LPP: variants seen among roughly 807,000 people sequenced by gnomAD.
LPP encodes the protein LIM domain containing preferred translocation partner in lipoma, also known as lipoma-preferred partner.
A neutral mutation model predicts 60.4 loss-of-function variants in LPP; 38 were observed. The ratio of observed to expected loss-of-function variants is 0.63; its 90% confidence interval spans 0.49 to 0.83. LPP has a LOEUF of 0.83. Among genes scored for constraint, LPP ranks in the 40% least tolerant of loss-of-function variants. LPP has a pLI of 0.00. For missense variants in LPP, 902 were observed against 783.6 expected (o/e 1.15, Z -1.80); for synonymous variants, 328 against 290.8 (o/e 1.13, Z -1.30).
rs752998619 is a variant in LPP at position 188,609,294 on chromosome 3, C to G, written c.563C>G (p.Ala188Gly). 6.8e-6 allele frequency: 11 copies of G among 1,614,114 alleles called. No individual in the cohort carries two copies. Among genetic ancestry groups the G allele is most frequent in the Non-Finnish European group, 8.5e-6 (10 of 1,180,014 alleles). The change falls in exon 7 of 12, where the codon GCT (alanine) becomes GGT (glycine). Residue 188 changes from alanine to glycine, a missense_variant. Ala to Gly is a moderately conservative substitution (Grantham distance 60). Transcript: ENST00000617246. This position sits in a 1 kb window ranked among gnomAD's most constrained non-coding sequence, Gnocchi z 6.9. Reference sequence around the variant, plus strand: ...TTGAAACCACAGCCTGCACCCCAGGCTGGACCCATCCCTGTGGCTCCAATC... The same window carrying G: ...TTGAAACCACAGCCTGCACCCCAGGGTGGACCCATCCCTGTGGCTCCAATC... ...STLKPQPAPQ[A>G]GPIPVAPIGT... is the part of the protein sequence containing the mutation.
At chr3:188,778,218 C>T (rs923542292) in intron 9 of LPP, among the ~76,000 whole-genome samples, 2 of 152,074 alleles carry the variant, frequency 1.3e-5, no homozygotes, top group African/African-American at 4.8e-5. Flanking sequence ...ATTTTTTTCT[C>T]ATATGAAGTT....
chr3:188,459,732 A>C (rs1579063977), intron 4 of LPP, among the ~76,000 whole-genome samples: 1 of 152,202 alleles, frequency 6.6e-6, no homozygotes, highest in Admixed American at 6.6e-5. Context: ...GGATATGACA[A>C]TACTCAACAC....
intron 7 of LPP, among the ~76,000 whole-genome samples, chr3:188,658,221 G>T (rs143783929): frequency 0.01 from 1,528 of 148,788 alleles, 28 homozygotes; most frequent in African/African-American, 0.036. Context: ...TCAGCTCACT[G>T]CAACCTCTGC....
chr3:188,426,909 T>G (rs927575982), intron 4 of LPP, among the ~76,000 whole-genome samples: 5 of 152,256 alleles, frequency 3.3e-5, no homozygotes, highest in Admixed American at 2.0e-4. Flanking sequence ...TTATCCAGTT[T>G]GCCAGTCTGT....
intron 3 of LPP, among the ~76,000 whole-genome samples, chr3:188,398,683 G>T (rs940715366): frequency 5.3e-5 from 8 of 152,224 alleles, no homozygotes; most frequent in Non-Finnish European, 1.0e-4. Context: ...GTAATTTTCA[G>T]CCTGCCTTAT....
chr3:188,270,976 G>A (rs957228184), intron 2 of LPP, among the ~76,000 whole-genome samples: 1 of 152,164 alleles, frequency 6.6e-6, no homozygotes, highest in South Asian at 2.1e-4. Context: ...GGTTGAATTT[G>A]ATGATCTTCG....
At chr3:188,541,581 A>G (rs374899397) in intron 6 of LPP, among the ~76,000 whole-genome samples, 2 of 151,650 alleles carry the variant, frequency 1.3e-5, no homozygotes, top group Non-Finnish European at 2.9e-5. Context: ...AAAGATTTGT[A>G]CCTGCCATTC....
At chr3:188,388,593 A>G (rs762264380) in intron 3 of LPP, among the ~76,000 whole-genome samples, 1 of 152,242 alleles carries the variant, frequency 6.6e-6, no homozygotes, top group Non-Finnish European at 1.5e-5. Flanking sequence ...ACCTTGCTAC[A>G]TTCCGAAAAG....
intron 7 of LPP, among the ~76,000 whole-genome samples, chr3:188,621,857 G>A (rs149090544): frequency 6.6e-6 from 1 of 151,908 alleles, no homozygotes; most frequent in South Asian, 2.1e-4. Context: ...ATGGGGTTTC[G>A]CATTGTTAGC....
At chr3:188,325,273 G>T (rs540887519) in intron 2 of LPP, among the ~76,000 whole-genome samples, 1 of 152,086 alleles carries the variant, frequency 6.6e-6, no homozygotes, top group Non-Finnish European at 1.5e-5. Flanking sequence ...GAGCCACTGC[G>T]CCTGGCCTCT....
chr3:188,810,625 A>G (rs939019404), intron 9 of LPP, among the ~76,000 whole-genome samples: 7 of 152,126 alleles, frequency 4.6e-5, no homozygotes, highest in African/African-American at 1.7e-4. Flanking sequence ...ATAGGAAAAA[A>G]CAGTATGTAT....
At chr3:188,800,163 T>C (rs1267948884) in intron 9 of LPP, among the ~76,000 whole-genome samples, 1 of 135,460 alleles carries the variant, frequency 7.4e-6, no homozygotes, top group East Asian at 2.4e-4. Context: ...TGATTAGTAT[T>C]TAACATTGTT....
At chr3:188,834,110 G>C (rs894224201) in intron 9 of LPP, among the ~76,000 whole-genome samples, 2 of 152,064 alleles carry the variant, frequency 1.3e-5, no homozygotes, top group Non-Finnish European at 2.9e-5. Context: ...TATAGCCTTT[G>C]ATACTTGGTC....
intron 7 of LPP, among the ~76,000 whole-genome samples, chr3:188,675,007 C>T (rs1254200327): frequency 2.0e-5 from 3 of 152,184 alleles, no homozygotes; most frequent in Admixed American, 1.3e-4. Flanking sequence ...CATTCTAATC[C>T]TGCCCTGTTT....
In LPP at chr3:188,601,274, A is replaced by G. The variant is rs370668315; in HGVS notation, c.430-7887A>G. ...TTATTTAAATTTTCCATTATCTTTT[A>G]GTTTTATAAAGTACACTATTAACAC... On this transcript the variant is annotated intron_variant, in intron 6 of 11. Coordinates refer to ENST00000617246, the MANE Select transcript of LPP (RefSeq NM_001375462.1). Among the ~76,000 whole-genome samples, 16 of 152,232 alleles carry G rather than the reference A, an allele frequency of 1.1e-4. No homozygotes were observed. In the East Asian group the frequency reaches 2.3e-3, roughly 22 times the overall value.
At chr3:188,598,873 C>G (rs1840504252) in intron 6 of LPP, among the ~76,000 whole-genome samples, 1 of 152,180 alleles carries the variant, frequency 6.6e-6, no homozygotes, top group Non-Finnish European at 1.5e-5. Context: ...AATATTCCCA[C>G]TGGGATTGAG....
intron 4 of LPP, among the ~76,000 whole-genome samples, chr3:188,407,466 A>C (rs1003165551): frequency 6.6e-6 from 1 of 152,214 alleles, no homozygotes; most frequent in Non-Finnish European, 1.5e-5. Flanking sequence ...TGCATGGCTA[A>C]GCTGCAGCTG....
rs186240092 is a variant in LPP at position 188,510,035 on chromosome 3, C to T, written c.307-14630C>T. Among the ~76,000 whole-genome samples the T allele has an allele frequency of 5.3e-5, 8 of 152,000 alleles. No homozygotes were observed. In the East Asian group the frequency reaches 7.7e-4, roughly 15 times the overall value. ...CCGGGCCTGTCTCATTTCTTTAATA[C>T]GAGGTACTAAACTGTCACTGAGTAA... On this transcript the variant is annotated intron_variant, in intron 5 of 11. Coordinates refer to ENST00000617246, the MANE Select transcript of LPP (RefSeq NM_001375462.1).
chr3:188,198,479 G>C (rs1436968268), intron 1 of LPP, among the ~76,000 whole-genome samples: 1 of 152,188 alleles, frequency 6.6e-6, no homozygotes, highest in African/African-American at 2.4e-5. Flanking sequence ...CAGCTGAAGG[G>C]TATGGTGGAT....
Sources: allele counts gnomAD v4.1 joint callset (sites outside exome capture counted in the v4.1 genomes callset), GRCh38; gene constraint gnomAD v4.1.1; non-coding constraint Gnocchi (gnomAD v3.1); transcripts MANE v1.5; gene names NCBI Gene and HGNC (gene_info 2026-07-23, HGNC 2026-07-21).